The following LY96 variants were observed in gnomAD, a reference collection of about 807,000 sequenced individuals.
The protein encoded by LY96 is lymphocyte antigen 96.
In LY96, 18 loss-of-function variants were observed where a neutral mutation model predicts 18.9. The observed-to-expected ratio is 0.95, with a 90% CI of 0.66 to 1.41. LY96 has a LOEUF of 1.41. Among genes scored for constraint, LY96 ranks in the 40% most tolerant of loss-of-function variants. LY96 has a pLI of 0.00. For synonymous variants in LY96, 66 were observed against 62.6 expected (o/e 1.06, Z -0.26); for missense variants, 175 against 182.4 (o/e 0.96, Z 0.23).
At chr8:74,093,166 A>T in the LY96 span, among the ~76,000 whole-genome samples, 5 of 151,884 alleles carry the variant, frequency 3.3e-5, no homozygotes, top group East Asian at 5.8e-4. Flanking sequence ...CATTCAGTGA[A>T]CTCCTTCTGC....
At chr8:74,089,963 T>C in the LY96 span, among the ~76,000 whole-genome samples, 9 of 152,068 alleles carry the variant, frequency 5.9e-5, no homozygotes, top group East Asian at 5.8e-4. Context: ...GTGTGGAAGA[T>C]TGGGGCCTGG....
At chr8:74,047,722 T>A in the LY96 span, among the ~76,000 whole-genome samples, 5 of 152,150 alleles carry the variant, frequency 3.3e-5, no homozygotes, top group African/African-American at 1.2e-4. Flanking sequence ...TAATAATACT[T>A]ACCACCTCAG....
chr8:74,074,932 A>G, the LY96 span, among the ~76,000 whole-genome samples: 1 of 152,214 alleles, frequency 6.6e-6, no homozygotes, highest in Non-Finnish European at 1.5e-5. Flanking sequence ...AATGATCCAT[A>G]TGCTGAGGAA....
the LY96 span, among the ~76,000 whole-genome samples, chr8:74,054,508 T>C: frequency 6.8e-6 from 1 of 148,092 alleles, no homozygotes; most frequent in South Asian, 2.2e-4. Context: ...TCTTTTTTTT[T>C]CTTTTCTTTC....
At chr8:74,006,280 C>A (rs1398757410) in intron 2 of LY96, among the ~76,000 whole-genome samples, 1 of 152,148 alleles carries the variant, frequency 6.6e-6, no homozygotes, top group African/African-American at 2.4e-5. Context: ...TCACTGCAGC[C>A]TCTGCCTCCC....
the LY96 span, among the ~76,000 whole-genome samples, chr8:74,071,411 C>T: frequency 6.6e-6 from 1 of 152,086 alleles, no homozygotes. Flanking sequence ...ATGTAGGGCA[C>T]TGCAACCAGT....
the LY96 span, among the ~76,000 whole-genome samples, chr8:74,080,275 G>A: frequency 6.6e-6 from 1 of 152,190 alleles, no homozygotes; most frequent in Non-Finnish European, 1.5e-5. Context: ...TTTGGGTTGA[G>A]CCTGATTGAC....
chr8:74,024,308 A>G (rs1203621558), intron 3 of LY96, among the ~76,000 whole-genome samples: 2 of 151,216 alleles, frequency 1.3e-5, no homozygotes, highest in Non-Finnish European at 2.9e-5. Flanking sequence ...CAAAGAAACA[A>G]GCAAGTTAAT....
rs200631386 is a variant in LY96, at chr8:74,026,842, G to A, written c.384+1G>A. The A allele has an allele frequency of 6.8e-7, 1 of 1,468,268 alleles. No homozygotes were observed. Among genetic ancestry groups the A allele is most frequent in the Non-Finnish European group, 9.5e-7 (1 of 1,048,690 alleles). 91.0% of individuals were successfully genotyped at this position (1,468,268 alleles called of 1,614,324 possible). ...CTTCAAGGGAATAAAATTTTCTAAG[G>A]TATTGTTCAAGATTTATTTTGTACT... On this transcript the variant is annotated splice_donor_variant, in intron 4 of 4. Coordinates refer to ENST00000284818, the MANE Select transcript of LY96 (RefSeq NM_015364.5). LOFTEE classifies it high-confidence loss of function.
At chr8:74,015,071 G>A (rs1412435743) in intron 3 of LY96, among the ~76,000 whole-genome samples, 1 of 152,056 alleles carries the variant, frequency 6.6e-6, no homozygotes, top group Non-Finnish European at 1.5e-5. Context: ...GCTGGGTCTG[G>A]TTGTGCATGC....
At chr8:74,054,499 C>CT in the LY96 span, among the ~76,000 whole-genome samples, 7,274 of 148,498 alleles carry the variant, frequency 0.049, 298 homozygotes, top group African/African-American at 0.093. Flanking sequence ...CTTTTCTTTT[C>CT]TTTTTTTTTC....
At chr8:73,993,266 C>T (rs1816047999) in intron 1 of LY96, among the ~76,000 whole-genome samples, 1 of 151,906 alleles carries the variant, frequency 6.6e-6, no homozygotes, top group East Asian at 1.9e-4. Flanking sequence ...AAACATTTCA[C>T]ATTTTATCTT....
the LY96 span, among the ~76,000 whole-genome samples, chr8:74,069,838 G>C: frequency 2.0e-5 from 3 of 152,188 alleles, no homozygotes; most frequent in South Asian, 6.2e-4. Context: ...CTGACCTCAG[G>C]TGATCCTCCT....
chr8:74,029,156 A>T, downstream of LY96: 1 of 705,992 alleles, frequency 1.4e-6, no homozygotes, highest in East Asian at 2.8e-5. Flanking sequence ...AAGACACAGA[A>T]ATGACTGTCA....
downstream of LY96, among the ~76,000 whole-genome samples, chr8:74,033,914 A>T (rs1467516278): frequency 2.1e-5 from 3 of 143,272 alleles, no homozygotes; most frequent in African/African-American, 2.7e-5. Context: ...TTTTTTTTTT[A>T]AACCAGGGCT....
the LY96 span, among the ~76,000 whole-genome samples, chr8:74,092,188 T>C: frequency 6.6e-6 from 1 of 152,158 alleles, no homozygotes; most frequent in Non-Finnish European, 1.5e-5. Flanking sequence ...CAAAGAACTT[T>C]TGGGCATTAT....
the LY96 span, among the ~76,000 whole-genome samples, chr8:74,071,047 G>A: frequency 2.6e-5 from 4 of 152,074 alleles, no homozygotes; most frequent in African/African-American, 9.7e-5. Context: ...TTTTAAAGAT[G>A]AGAAAAATGA....
At chr8:73,994,881 A>G (rs895122277) in intron 1 of LY96, among the ~76,000 whole-genome samples, 1 of 152,216 alleles carries the variant, frequency 6.6e-6, no homozygotes. Flanking sequence ...TCTGGAGGCT[A>G]GAAGTCCAAG....
rs1264528862 is a variant in LY96 at position 74,002,085 on chromosome 8, TTCTTTCTTTCTCTCTCTC to T, written c.113-2707_113-2690del. On this transcript the variant is annotated intron_variant, in intron 1 of 4. Coordinates refer to ENST00000284818, the MANE Select transcript of LY96 (RefSeq NM_015364.5). ...TTCCTTCCTTCCTTCCTTTCTTTCTTTCTTTCTTTCTCTCTCTCTCTCTCTCTCTCTCTCTCTCTCTCT... is the reference window on the plus strand; with the variant it reads ...TTCCTTCCTTCCTTCCTTTCTTTCTTTCTCTCTCTCTCTCTCTCTCTCTCT... 1.4e-4 allele frequency among the ~76,000 whole-genome samples: 4 copies of T among 29,304 alleles called. 2 individuals are homozygous for T. The highest frequency in any genetic ancestry group is 7.5e-4 in the African/African-American group (4 of 5,314). The allele number at this position is 29,304 out of a possible 152,430, so 19.2% of individuals were successfully genotyped here.
Sources: allele counts gnomAD v4.1 joint callset (sites outside exome capture counted in the v4.1 genomes callset), GRCh38; gene constraint gnomAD v4.1.1; transcripts MANE v1.5; gene names NCBI Gene and HGNC (gene_info 2026-07-23, HGNC 2026-07-21).